The following VEGFD variants were observed in gnomAD, a reference collection of about 807,000 sequenced individuals.
VEGFD encodes vascular endothelial growth factor D.
A neutral mutation model predicts 28.0 loss-of-function variants in VEGFD; 26 were observed. The observed-to-expected ratio is 0.93, with a 90% confidence interval of 0.68 to 1.29. The LOEUF is 1.29. Ranked by LOEUF, VEGFD falls within the 50% of genes most tolerant of loss-of-function variation. The pLI, the probability that VEGFD is intolerant of heterozygous loss-of-function variation, is 0.00. For missense variants in VEGFD, 294 were observed against 273.4 expected, an observed-to-expected ratio of 1.08 and a Z score of -0.53; for synonymous variants, 93 against 95.5, an observed-to-expected ratio of 0.97 and a Z score of 0.15.
intron 1 of VEGFD, among the ~76,000 whole-genome samples, chrX:15,364,447 G>A (rs190543582): frequency 3.2e-4 from 36 of 111,512 alleles, no homozygotes; most frequent in African/African-American, 1.1e-3. Flanking sequence ...CAAAATTGGG[G>A]GCTTAGTTAT....
intron 5 of VEGFD, among the ~76,000 whole-genome samples, chrX:15,350,102 T>C (rs1042955070): frequency 1.8e-5 from 2 of 111,231 alleles, no homozygotes; most frequent in Non-Finnish European, 3.8e-5. Flanking sequence ...AGTTGTGTGG[T>C]TTCCCTTTGT....
chrX:15,350,302 C>A (rs185598508), intron 5 of VEGFD, among the ~76,000 whole-genome samples: 194 of 111,608 alleles, frequency 1.7e-3, no homozygotes, highest in African/African-American at 6.0e-3. Flanking sequence ...TGCTCATATA[C>A]CCGCTGCTTA....
intron 1 of VEGFD, among the ~76,000 whole-genome samples, chrX:15,370,632 T>C (rs922623923): frequency 8.9e-6 from 1 of 111,753 alleles, no homozygotes; most frequent in Non-Finnish European, 1.9e-5. Flanking sequence ...ATCTGACAAA[T>C]AGCAATTGGG....
intron 1 of VEGFD, among the ~76,000 whole-genome samples, chrX:15,376,522 T>C (rs953322275): frequency 8.9e-6 from 1 of 112,405 alleles, no homozygotes; most frequent in Admixed American, 9.4e-5. Context: ...GCATAATCCA[T>C]TGGATGGGAA....
intron 1 of VEGFD, among the ~76,000 whole-genome samples, chrX:15,378,283 C>A (rs764853546): frequency 8.9e-6 from 1 of 112,270 alleles, no homozygotes; most frequent in African/African-American, 3.2e-5. Flanking sequence ...TCCACACAAA[C>A]CCTATCCTAT....
At chrX:15,356,541 A>C (rs1922871926) in intron 3 of VEGFD, among the ~76,000 whole-genome samples, 1 of 112,225 alleles carries the variant, frequency 8.9e-6, no homozygotes, top group Admixed American at 9.5e-5. Flanking sequence ...CAATCCATTA[A>C]GGTTGTGTTT....
At chrX:15,380,994 T>C (rs1340925317) in intron 1 of VEGFD, among the ~76,000 whole-genome samples, 1 of 112,617 alleles carries the variant, frequency 8.9e-6, no homozygotes, top group Non-Finnish European at 1.9e-5. Flanking sequence ...GCATAGGTAC[T>C]GGGTTAAGCT....
At position 15,363,229 on chromosome X, in the gene VEGFD, C is replaced by G. The variant is rs1923061978; in HGVS notation, c.181G>C (p.Asp61His). 1 of 1,209,502 alleles carries G rather than the reference C, an allele frequency of 8.3e-7. No homozygotes were observed. Among genetic ancestry groups the G allele is most frequent in the South Asian group, 1.8e-5 (1 of 56,811 alleles). The change falls in exon 2 of 7, where the codon GAC (aspartate) becomes CAC (histidine). Residue 61 changes from aspartate to histidine, a missense_variant. Asp to His is a moderately conservative substitution (Grantham distance 81). Coordinates refer to ENST00000297904, the MANE Select transcript of VEGFD (RefSeq NM_004469.5). ...EELLRITHSE[D>H]WKLWRCRLRL... is the part of the protein sequence containing the mutation. ...AGCCTGCATCTCCACAGCTTCCAGT[C>G]CTCAGAGTGAGTAATTCGAAGTAGT...
intron 1 of VEGFD, among the ~76,000 whole-genome samples, chrX:15,373,998 C>G (rs181632435): frequency 9.0e-6 from 1 of 111,391 alleles, no homozygotes; most frequent in Non-Finnish European, 1.9e-5. Flanking sequence ...AGGTTTGTGA[C>G]TTTGCCTCCC....
At chrX:15,360,086 C>T (rs1389443562) in intron 2 of VEGFD, among the ~76,000 whole-genome samples, 2 of 111,877 alleles carry the variant, frequency 1.8e-5, no homozygotes, top group Non-Finnish European at 3.8e-5. Context: ...ATAGAGAAAA[C>T]GTCTGCTTGA....
intron 2 of VEGFD, 79 bp downstream of exon 2, chrX:15,363,030 G>T: frequency 1.0e-6 from 1 of 960,726 alleles, no homozygotes; most frequent in Non-Finnish European, 1.5e-6. Context: ...TCTGCCCTAC[G>T]CAGACTTTTG....
intron 2 of VEGFD, 79 bp downstream of exon 2, chrX:15,363,030 G>A (rs1379078451): frequency 3.1e-6 from 3 of 960,731 alleles, no homozygotes; most frequent in South Asian, 4.2e-5. Flanking sequence ...TCTGCCCTAC[G>A]CAGACTTTTG....
chrX:15,381,368 G>A (rs961476497), intron 1 of VEGFD, among the ~76,000 whole-genome samples: 1 of 111,212 alleles, frequency 9.0e-6, no homozygotes, highest in Non-Finnish European at 1.9e-5. Context: ...TGGGCTGGGG[G>A]TGGCTGGAGG....
chrX:15,359,696 C>T (rs142742002), intron 2 of VEGFD, among the ~76,000 whole-genome samples: 1,995 of 111,289 alleles, frequency 0.018, 38 homozygotes, highest in African/African-American at 0.062. Flanking sequence ...AAGGTCCACA[C>T]GACAAGGAAC....
Position 15,345,953 on chromosome X carries a change from GAC to G in VEGFD, c.*178_*179del, listed in dbSNP as rs1466397600. ...TGCGCAGAGGCATCTGCAGCTAGAA[GAC>G]ATCCATCAATGAACCAGGGACTCCT... On this transcript the variant is annotated 3_prime_UTR_variant, in exon 7 of 7. Coordinates refer to ENST00000297904, the MANE Select transcript of VEGFD (RefSeq NM_004469.5). The G allele has an allele frequency of 2.1e-6, 1 of 485,238 alleles. No individual in the cohort carries two copies. Among genetic ancestry groups the G allele is most frequent in the East Asian group, 3.5e-5 (1 of 28,194 alleles). The allele number at this position is 485,238 out of a possible 1,213,427, so 40.0% of individuals were successfully genotyped here.
In VEGFD at chrX:15,373,671, C is replaced by A. The variant is rs781364405; in HGVS notation, c.90+10186G>T. On this transcript the variant is annotated intron_variant, in intron 1 of 6. Transcript: ENST00000297904. ...TGGGGGGCGTGGTTCTCTTCTTACT[C>A]ACCCTGGAGTTCAGGGACATTGCAG... Among the ~76,000 whole-genome samples the A allele has an allele frequency of 6.3e-4, 70 of 111,835 alleles. No homozygotes were observed. The South Asian group carries it at 7.1e-3, about 11-fold the overall frequency.
intron 5 of VEGFD, among the ~76,000 whole-genome samples, chrX:15,351,018 T>C (rs1486205183): frequency 1.5e-5 from 1 of 65,385 alleles, no homozygotes; most frequent in African/African-American, 5.6e-5. Flanking sequence ...CACATCACCA[T>C]GCCCAGCTAT....
chrX:15,363,381 A>C, intron 1 of VEGFD, 62 bp from the exon 2 acceptor site: 1 of 943,455 alleles, frequency 1.1e-6, no homozygotes, highest in African/African-American at 1.9e-5. Flanking sequence ...TGTCATAATA[A>C]TCTTCATTTC....
At chrX:15,353,348 T>G (rs770103730) in intron 4 of VEGFD, among the ~76,000 whole-genome samples, 180 bp from the exon 5 acceptor site, 1 of 112,877 alleles carries the variant, frequency 8.9e-6, no homozygotes, top group Non-Finnish European at 1.9e-5. Flanking sequence ...GTAACTATAG[T>G]CAATAATAAT....
Sources: gnomAD v4.1 joint callset for allele counts (sites outside exome capture counted in the v4.1 genomes callset) on GRCh38, gnomAD v4.1.1 for gene constraint, MANE v1.5 for transcripts, NCBI Gene and HGNC (gene_info 2026-07-23, HGNC 2026-07-21) for gene names.